Variants in NID1 observed in about 807,000 individuals in gnomAD.
NID1 encodes the protein nidogen-1.
NID1 carries 76 observed loss-of-function variants against 130.6 expected under a neutral mutation model. The ratio of observed to expected loss-of-function variants is 0.58; its 90% CI spans 0.48 to 0.70. The LOEUF (loss-of-function observed/expected upper bound fraction) is 0.70. NID1 is among the 30% of genes least tolerant of loss of function. The pLI is 0.00. For missense variants in NID1, 1,517 were observed against 1,664.8 expected (o/e 0.91, Z 1.54); for synonymous variants, 665 against 675.1 (o/e 0.98, Z 0.23).
At position 235,990,919 on chromosome 1, in the gene NID1, C is replaced by G. The variant is rs995245295; in HGVS notation, c.2895G>C (p.Arg965Ser). ...ERLPLEGNTM[R>S]KTEAKAFLHV... ...GAAGGAACGCCTTTGCTTCTGTCTT[C>G]CTCATGGTATTTCCCTCCAGGGGCA... The change falls in exon 14 of 20, where the codon AGG becomes AGC. Residue 965 changes from arginine to serine, a missense_variant. This residue lies in a region of NID1 where 1,329 missense variants were observed against 1,429.2 expected (regional missense o/e 0.93). Transcript: ENST00000264187. The G allele has an allele frequency of 9.3e-6, 15 of 1,614,170 alleles. No individual in the cohort carries two copies. Among genetic ancestry groups the G allele is most frequent in the African/African-American group, 1.3e-5 (1 of 75,052 alleles).
In NID1 at chr1:235,993,014, G is replaced by GTCACACAGCCACCAGGCTGGGCC. The variant is rs369914447; in HGVS notation, c.2755+630_2755+631insGGCCCAGCCTGGTGGCTGTGTGA. Among the ~76,000 whole-genome samples, 588 of 152,334 alleles carry GTCACACAGCCACCAGGCTGGGCC rather than the reference G, an allele frequency of 3.9e-3. 3 individuals are homozygous for GTCACACAGCCACCAGGCTGGGCC. Among genetic ancestry groups the GTCACACAGCCACCAGGCTGGGCC allele is most frequent in the African/African-American group, 0.014 (562 of 41,562 alleles). ...AGGCTGGGGAAAGTGTCTGTCCAGAGTCACACAGGGCCCCTGGCCCCCAGG... is the reference window on the plus strand; with the variant it reads ...AGGCTGGGGAAAGTGTCTGTCCAGAGTCACACAGCCACCAGGCTGGGCCTCACACAGGGCCCCTGGCCCCCAGG... On this transcript the variant is annotated intron_variant, in intron 13 of 19. Transcript: ENST00000264187.
intron 7 of NID1, 147 bp downstream of exon 7, chr1:236,029,403 T>C (rs1659030689): frequency 2.8e-6 from 2 of 723,964 alleles, no homozygotes; most frequent in Non-Finnish European, 4.6e-6. Context: ...CCTATGTCTA[T>C]AATTGAGGGG....
In NID1 at chr1:236,042,208, C is replaced by G. The variant is rs762070265; in HGVS notation, c.837G>C (p.Val279=). ...ATTNGVVPAD[V]ILGTEDGAEY... Reference sequence around the variant, plus strand: ...CTGCCCCATCTTCAGTTCCGAGGATCACGTCTGCAGGCACCACGCCATTGG... The same window carrying G: ...CTGCCCCATCTTCAGTTCCGAGGATGACGTCTGCAGGCACCACGCCATTGG... The change falls in exon 4 of 20, where the codon GTG becomes GTC. Residue 279 remains valine, a synonymous_variant. Transcript: ENST00000264187. 3 of 1,613,192 alleles carry G rather than the reference C, an allele frequency of 1.9e-6. No individual in the cohort carries two copies. In the African/African-American group the frequency reaches 4.0e-5, roughly 22 times the overall value.
Position 235,980,484 on chromosome 1 carries a change from G to C in NID1, c.3385+12C>G, listed in dbSNP as rs1657405946. Reference sequence around the variant, plus strand: ...TGAGACCCGCCCTGGACAGTGTCCAGCTTTCCATCACCTGCATCCACCCAG... The same window carrying C: ...TGAGACCCGCCCTGGACAGTGTCCACCTTTCCATCACCTGCATCCACCCAG... On this transcript the variant is annotated intron_variant, in intron 17 of 19. Transcript: ENST00000264187. 6.2e-7 allele frequency: 1 copy of C among 1,613,834 alleles called. No homozygotes were observed. Among genetic ancestry groups the C allele is most frequent in the Admixed American group, 1.7e-5 (1 of 60,004 alleles).
chr1:235,995,789 T>C (rs1317829787), intron 12 of NID1, among the ~76,000 whole-genome samples: 2 of 152,202 alleles, frequency 1.3e-5, no homozygotes, highest in African/African-American at 4.8e-5. Flanking sequence ...GCCCACACCA[T>C]ACCTGTATCT....
intron 4 of NID1, among the ~76,000 whole-genome samples, chr1:236,039,039 A>T (rs1434178936): frequency 7.6e-6 from 1 of 131,076 alleles, no homozygotes; most frequent in Non-Finnish European, 1.6e-5. Flanking sequence ...TATATAATAT[A>T]TATTTACATT....
chr1:236,057,877 C>T (rs891410879), intron 1 of NID1, among the ~76,000 whole-genome samples: 1 of 152,172 alleles, frequency 6.6e-6, no homozygotes, highest in East Asian at 1.9e-4. Context: ...TTTCTGACCT[C>T]CCAACCAGGG....
chr1:236,003,098 T>A (rs1311295945), intron 12 of NID1, among the ~76,000 whole-genome samples: 1 of 149,882 alleles, frequency 6.7e-6, no homozygotes, highest in Non-Finnish European at 1.5e-5. Flanking sequence ...TCACTCCTAG[T>A]GAACGACTGG....
chr1:236,053,180 T>G (rs548202305), intron 1 of NID1, among the ~76,000 whole-genome samples: 1 of 152,210 alleles, frequency 6.6e-6, no homozygotes, highest in Non-Finnish European at 1.5e-5. Context: ...GTTGTTTTTA[T>G]TCATCTTAAA....
chr1:236,034,849 T>C (rs1426381121), intron 5 of NID1, among the ~76,000 whole-genome samples: 1 of 152,188 alleles, frequency 6.6e-6, no homozygotes, highest in Non-Finnish European at 1.5e-5. Flanking sequence ...TTGCATTGTT[T>C]ATATTTGATG....
chr1:236,008,973 A>G (rs1452232727), intron 12 of NID1, among the ~76,000 whole-genome samples: 2 of 152,198 alleles, frequency 1.3e-5, no homozygotes, highest in African/African-American at 4.8e-5. Flanking sequence ...GTCTTCATAA[A>G]GTATTTTAGT....
intron 9 of NID1, among the ~76,000 whole-genome samples, chr1:236,023,711 T>G (rs12027195): frequency 0.1 from 15,875 of 152,184 alleles, 1,705 homozygotes; most frequent in East Asian, 0.42. Flanking sequence ...GATGATGTTG[T>G]GAAGCACTTA....
intron 12 of NID1, among the ~76,000 whole-genome samples, chr1:236,007,675 G>A (rs1397512655): frequency 1.3e-5 from 2 of 152,094 alleles, no homozygotes; most frequent in Non-Finnish European, 2.9e-5. Flanking sequence ...CCCATGTCGC[G>A]AGGAACTGAG....
chr1:235,979,972 A>G lies in NID1; in HGVS notation c.3386-27T>C. ...TGTGTGGAGTGGAAACAATTCATTC[A>G]TTGTTCACACAAGAAATGGCCCCTT... On this transcript the variant is annotated intron_variant, in intron 17 of 19. Transcript: ENST00000264187. This position sits in a 1 kb window ranked among gnomAD's most constrained non-coding sequence, Gnocchi z 4.6. The G allele has an allele frequency of 6.2e-7, 1 of 1,611,670 alleles. No homozygotes were observed. The highest frequency in any genetic ancestry group is 8.5e-7 in the Non-Finnish European group (1 of 1,178,564).
chr1:236,015,095 C>T (rs558152073), intron 10 of NID1, among the ~76,000 whole-genome samples: 3 of 152,316 alleles, frequency 2.0e-5, no homozygotes, highest in African/African-American at 7.2e-5. Context: ...TCACAGTTGG[C>T]AGAGCACACC....
At position 235,980,620 on chromosome 1, in the gene NID1, G is replaced by T. The variant is rs764557937; in HGVS notation, c.3261C>A (p.Asn1087Lys). Residue 1087 changes from asparagine (N) to lysine (K), a missense_variant, in exon 17 of 20, where the codon AAC becomes AAA. This residue lies in a region of NID1 where 181 missense variants were observed against 211.3 expected (regional missense o/e 0.86). Coordinates refer to ENST00000264187, the MANE Select transcript of NID1 (RefSeq NM_002508.3). ...NLYWTDWNRD[N>K]PKIETSYMDG... ...CCATGTAGGAAGTTTCAATCTTGGG[G>T]TTATCTCTGTTCCAGTCTGTCCAGT... 2 of 1,614,182 alleles carry T rather than the reference G, an allele frequency of 1.2e-6. No homozygotes were observed. Among genetic ancestry groups the T allele is most frequent in the East Asian group, 4.5e-5 (2 of 44,884 alleles).
chr1:236,028,721 G>A (rs1360529972), intron 7 of NID1, among the ~76,000 whole-genome samples: 1 of 151,952 alleles, frequency 6.6e-6, no homozygotes, highest in Non-Finnish European at 1.5e-5. Flanking sequence ...GAGACAGAGA[G>A]ACAGAGAGAG....
intron 10 of NID1, among the ~76,000 whole-genome samples, chr1:236,014,395 G>A (rs899967967): frequency 6.6e-5 from 10 of 152,168 alleles, no homozygotes; most frequent in Admixed American, 5.2e-4. Flanking sequence ...ATGGGACTCT[G>A]TCCTGGCTCT....
chr1:236,029,232 T>C (rs1385932791), intron 7 of NID1, among the ~76,000 whole-genome samples: 1 of 151,992 alleles, frequency 6.6e-6, no homozygotes, highest in Non-Finnish European at 1.5e-5. Context: ...ATCATGAAAT[T>C]ATATGTTGGG....
Sources: gnomAD v4.1 joint callset for allele counts (sites outside exome capture counted in the v4.1 genomes callset) on GRCh38, gnomAD v4.1.1 for gene constraint, gnomAD v4.1.1 regional missense constraint, Gnocchi (gnomAD v3.1) non-coding constraint, MANE v1.5 for transcripts, NCBI Gene and HGNC (gene_info 2026-07-23, HGNC 2026-07-21) for gene names.